GSTO1: variants seen among roughly 807,000 people sequenced by gnomAD.
GSTO1 encodes the protein glutathione S-transferase omega 1.
Under a neutral mutation model 23.8 loss-of-function variants are expected in GSTO1, and 27 were observed. The ratio of observed to expected loss-of-function variants is 1.13; its 90% CI spans 0.83 to 1.56. GSTO1 has a LOEUF of 1.56. GSTO1 is among the 40% of genes most tolerant of loss of function. The pLI, the probability that GSTO1 is intolerant of heterozygous loss-of-function variation, is 0.00. For missense variants in GSTO1, 255 were observed against 285.8 expected (o/e 0.89, Z 0.78); for synonymous variants, 105 against 109.3 (o/e 0.96, Z 0.25).
At chr10:104,257,529 T>G (rs919791335) in intron 2 of GSTO1, among the ~76,000 whole-genome samples, 1 of 151,988 alleles carries the variant, frequency 6.6e-6, no homozygotes, top group Non-Finnish European at 1.5e-5. Flanking sequence ...TTTGTAGAGA[T>G]AGGGTTTCAT....
rs776806870 is a variant in GSTO1, at chr10:104,254,953, T to G, written c.25T>G (p.Leu9Val). Residue 9 changes from leucine to valine, a missense_variant, in exon 1 of 6, where the codon TTG (leucine) becomes GTG (valine). Leu to Val is a conservative substitution (Grantham distance 32). Transcript: ENST00000369713. Reference sequence around the variant, plus strand: ...GATGTCCGGGGAGTCAGCCAGGAGCTTGGGGAAGGGTGAGGCCTGCCCGCC... The same window carrying G: ...GATGTCCGGGGAGTCAGCCAGGAGCGTGGGGAAGGGTGAGGCCTGCCCGCC... MSGESARS[L>V]GKGSAPPGPV... 6.2e-7 allele frequency: 1 copy of G among 1,610,342 alleles called. No homozygotes were observed. Among genetic ancestry groups the G allele is most frequent in the African/African-American group, 1.3e-5 (1 of 74,876 alleles).
chr10:104,266,819 C>T (rs952210882), intron 5 of GSTO1, among the ~76,000 whole-genome samples: 34 of 151,952 alleles, frequency 2.2e-4, no homozygotes, highest in African/African-American at 8.0e-4. Context: ...TCCCATTTAC[C>T]GTAAGATTTC....
chr10:104,267,270 A>G lies in GSTO1; in HGVS notation c.591A>G (p.Pro197=). ...CCCACAGGTGTGTAGACCACACTCC[A>G]AAACTGAAACTGTGGATGGCAGCCA... ...MKLNECVDHT[P]KLKLWMAAMK... Residue 197 remains proline, a synonymous_variant, in exon 6 of 6, where the codon CCA becomes CCG. Transcript: ENST00000369713. 1.2e-6 allele frequency: 2 copies of G among 1,613,278 alleles called. No individual in the cohort carries two copies. Among genetic ancestry groups the G allele is most frequent in the Non-Finnish European group, 1.7e-6 (2 of 1,179,488 alleles).
intron 3 of GSTO1, among the ~76,000 whole-genome samples, chr10:104,262,580 C>T (rs527500863): frequency 1.3e-5 from 2 of 152,252 alleles, no homozygotes; most frequent in Admixed American, 6.5e-5. Context: ...GGCGTGGTGG[C>T]GCACGCCCAT....
chr10:104,257,476 G>A (rs772587684), intron 2 of GSTO1, among the ~76,000 whole-genome samples: 36 of 151,928 alleles, frequency 2.4e-4, no homozygotes, highest in Non-Finnish European at 4.9e-4. Flanking sequence ...GAGTAGCCGA[G>A]ACTACAGGTG....
intron 4 of GSTO1, among the ~76,000 whole-genome samples, chr10:104,265,051 C>A (rs1190263261): frequency 6.6e-6 from 1 of 152,044 alleles, no homozygotes; most frequent in African/African-American, 2.4e-5. Context: ...GCTTTTGCAC[C>A]GTCGTAAAGT....
chr10:104,263,215 T>G (rs1466052797), intron 4 of GSTO1, 138 bp downstream of exon 4: 8 of 519,142 alleles, frequency 1.5e-5, no homozygotes, highest in Non-Finnish European at 2.8e-5. Flanking sequence ...CATTTTTGTT[T>G]ACAGCAGACT....
chr10:104,256,103 C>G (rs1467826614), intron 2 of GSTO1, among the ~76,000 whole-genome samples: 1 of 152,142 alleles, frequency 6.6e-6, no homozygotes, highest in Non-Finnish European at 1.5e-5. Flanking sequence ...AGGGGATAAT[C>G]TTTAGGGGTA....
At position 104,259,444 on chromosome 10, in the gene GSTO1, G is replaced by C. The variant is rs11191978; in HGVS notation, c.144-132G>C. The C allele has an allele frequency of 2.9e-4, 177 of 612,600 alleles. 1 individual carries two copies. The East Asian group carries it at 4.7e-3, about 16-fold the overall frequency. 37.9% of individuals were successfully genotyped at this position (612,600 alleles called of 1,614,324 possible). A position where few individuals can be genotyped will look rare whatever the true frequency, so the allele number is the denominator to read the frequency against. ...GTCAGATTCATAAAATCAAAAACTA[G>C]AATGGAAGGAATCTAGGCAGACTCC... On this transcript the variant is annotated intron_variant, in intron 2 of 5. Transcript: ENST00000369713.
chr10:104,260,813 G>T (rs1436103902), intron 3 of GSTO1, among the ~76,000 whole-genome samples: 2 of 152,180 alleles, frequency 1.3e-5, no homozygotes, highest in African/African-American at 4.8e-5. Context: ...CATTATAAAG[G>T]GAAGCCAATG....
intron 4 of GSTO1, 133 bp from the exon 5 acceptor site, chr10:104,265,950 GA>G (rs1004993232): frequency 8.5e-5 from 44 of 517,874 alleles, no homozygotes; most frequent in Non-Finnish European, 1.5e-4. Context: ...TTTTTGATCA[GA>G]AAAAAACCCA....
At chr10:104,259,262 A>T (rs1352018409) in intron 2 of GSTO1, among the ~76,000 whole-genome samples, 1 of 152,252 alleles carries the variant, frequency 6.6e-6, no homozygotes, top group Admixed American at 6.5e-5. Flanking sequence ...ATGAATGGAT[A>T]AAGAAAATGT....
At chr10:104,255,363 C>T (rs997674839) in intron 2 of GSTO1, 92 bp downstream of exon 2, 3 of 772,054 alleles carry the variant, frequency 3.9e-6, no homozygotes, top group Non-Finnish European at 6.8e-6. Flanking sequence ...CTTCTACCCC[C>T]CTCCCACCAG....
intron 3 of GSTO1, among the ~76,000 whole-genome samples, chr10:104,260,244 G>A (rs1589845058): frequency 6.6e-6 from 1 of 152,252 alleles, no homozygotes; most frequent in East Asian, 1.9e-4. Context: ...ACTGCACTGG[G>A]GCTGTGAGCT....
At chr10:104,266,896 A>T (rs17116754) in intron 5 of GSTO1, among the ~76,000 whole-genome samples, 11,259 of 152,166 alleles carry the variant, frequency 0.074, 1,393 homozygotes, top group African/African-American at 0.26. Flanking sequence ...TTCTTGGACG[A>T]TAGAGCTATT....
upstream of GSTO1, chr10:104,254,629 T>G: frequency 6.2e-6 from 3 of 486,992 alleles, no homozygotes; most frequent in African/African-American, 2.0e-5. Flanking sequence ...CCCCGTGGAG[T>G]GCGGAGTGGT....
intron 3 of GSTO1, among the ~76,000 whole-genome samples, chr10:104,262,324 T>C (rs1382866687): frequency 6.6e-6 from 1 of 152,178 alleles, no homozygotes; most frequent in Non-Finnish European, 1.5e-5. Flanking sequence ...CATTAGGCCA[T>C]TTCTCAGCAT....
chr10:104,264,080 T>C (rs1589846560), intron 4 of GSTO1, among the ~76,000 whole-genome samples: 1 of 152,302 alleles, frequency 6.6e-6, no homozygotes, highest in Non-Finnish European at 1.5e-5. Flanking sequence ...AGTATCATTA[T>C]TGGCTTTTGG....
In GSTO1 at chr10:104,267,358, G is replaced by A; in HGVS notation, c.679G>A (p.Glu227Lys). The A allele has an allele frequency of 6.2e-7, 1 of 1,613,922 alleles. No individual in the cohort carries two copies. The highest frequency in any genetic ancestry group is 8.5e-7 in the Non-Finnish European group (1 of 1,179,826). Residue 227 changes from glutamate (E) to lysine (K), a missense_variant, in exon 6 of 6, where the codon GAG becomes AAG. Physicochemically the swap from Glu to Lys is moderately conservative, Grantham distance 56 (BLOSUM62 1). Coordinates refer to ENST00000369713, the MANE Select transcript of GSTO1 (RefSeq NM_004832.3). ...TGAGAAAGACTGGCAAGGTTTCCTA[G>A]AGCTCTACTTACAGAACAGCCCTGA... ...TSEKDWQGFL[E>K]LYLQNSPEAC...
Sources: allele counts gnomAD v4.1 joint callset (sites outside exome capture counted in the v4.1 genomes callset), GRCh38; gene constraint gnomAD v4.1.1; transcripts MANE v1.5; gene names NCBI Gene and HGNC (gene_info 2026-07-23, HGNC 2026-07-21).